SLC35E4: variants seen among roughly 807,000 people sequenced by gnomAD.
SLC35E4 encodes solute carrier family 35, member E4.
SLC35E4 carries 15 observed loss-of-function variants against 19.3 expected under a neutral mutation model. The observed-to-expected ratio is 0.78, with a 90% CI of 0.52 to 1.20. The LOEUF (loss-of-function observed/expected upper bound fraction) is 1.20. Among genes scored for constraint, SLC35E4 ranks in the 50% most tolerant of loss-of-function variants. The pLI is 0.00. For missense variants in SLC35E4, 406 were observed against 472.3 expected, an observed-to-expected ratio of 0.86 and a Z score of 1.30; for synonymous variants, 219 against 219.9, an observed-to-expected ratio of 1.00 and a Z score of 0.04.
downstream of SLC35E4, among the ~76,000 whole-genome samples, chr22:30,651,427 ATT>A (rs1160256288): frequency 2.7e-4 from 6 of 22,156 alleles, no homozygotes; most frequent in African/African-American, 6.4e-4. Context: ...ATATATATAT[ATT>A]TTTTTTTTTT....
At chr22:30,663,990 G>C (rs779902558), downstream of SLC35E4, 1 of 1,612,906 alleles carries the variant, frequency 6.2e-7, no homozygotes, top group Non-Finnish European at 8.5e-7. Context: ...GAAGGCACAC[G>C]AGGGTGCTGT....
At chr22:30,654,711 G>A (rs548658201) in intron 2 of SLC35E4, 9 of 374,124 alleles carry the variant, frequency 2.4e-5, no homozygotes, top group East Asian at 1.5e-4. Flanking sequence ...TGATGCCCCC[G>A]CAGTGTACGA....
At chr22:30,655,077 T>C (rs2088307633) in intron 2 of SLC35E4, among the ~76,000 whole-genome samples, 1 of 152,164 alleles carries the variant, frequency 6.6e-6, no homozygotes, top group Admixed American at 6.5e-5. Flanking sequence ...CTCTGCTCCC[T>C]ACACTGCTAT....
At chr22:30,667,608 CTCG>C (rs2088725400), downstream of SLC35E4, 1 of 152,658 alleles carries the variant, frequency 6.6e-6, no homozygotes, top group Admixed American at 6.5e-5. Context: ...TAGCAATGGG[CTCG>C]TCGCAGAAAG....
chr22:30,649,202 TG>T (rs1307297841), downstream of SLC35E4: 1 of 716,818 alleles, frequency 1.4e-6, no homozygotes, highest in African/African-American at 1.7e-5. Context: ...ATGATCCCTA[TG>T]GAGAGGGTTC....
rs1337493404 is a variant in SLC35E4 at position 30,636,761 on chromosome 22, G to A, written c.311G>A (p.Gly104Asp). ...CHRGARRPMP[G>D]GTRCRVLLLS... The stretch of plus-strand genomic sequence containing the variant: ...CGGGGGGCACGGCGCCCCATGCCAG[G>A]CGGCACTCGCTGCCGAGTCCTACTG... The change falls in exon 1 of 2, where the codon GGC becomes GAC. Residue 104 changes from glycine (G) to aspartate (D), a missense_variant. Transcript: ENST00000343605. 3.7e-6 allele frequency: 6 copies of A among 1,612,072 alleles called. No individual in the cohort carries two copies. The highest frequency in any genetic ancestry group is 5.1e-6 in the Non-Finnish European group (6 of 1,179,474).
At chr22:30,641,731 T>TAA (rs2088043408) in intron 1 of SLC35E4, among the ~76,000 whole-genome samples, 2 of 147,976 alleles carry the variant, frequency 1.4e-5, no homozygotes, top group African/African-American at 4.9e-5. Context: ...TTTTTTTTTT[T>TAA]TTTTTTTTTT....
intron 2 of SLC35E4, chr22:30,661,403 A>T (rs2088461675): frequency 6.6e-6 from 1 of 151,330 alleles, no homozygotes; most frequent in East Asian, 1.9e-4. Flanking sequence ...ATAATCCAAA[A>T]TATTTCTGGT....
exon 3 of SLC35E4, chr22:30,662,407 G>A (rs9609038): frequency 6.6e-6 from 1 of 152,206 alleles, no homozygotes; most frequent in Non-Finnish European, 1.5e-5. Flanking sequence ...GCTGAGACCT[G>A]ATGTTAGGCC....
downstream of SLC35E4, chr22:30,664,029 G>A: frequency 6.3e-7 from 1 of 1,594,888 alleles, no homozygotes; most frequent in Non-Finnish European, 8.6e-7. Flanking sequence ...GTGGTCAGCA[G>A]TCAGCGAAGC....
chr22:30,649,120 T>G (rs1298740194), downstream of SLC35E4: 1 of 714,384 alleles, frequency 1.4e-6, no homozygotes, highest in Non-Finnish European at 2.6e-6. Context: ...TGGAACCTAA[T>G]CCTGCTCTGC....
At chr22:30,657,141 G>C (rs189997231) in intron 2 of SLC35E4, among the ~76,000 whole-genome samples, 1 of 151,976 alleles carries the variant, frequency 6.6e-6, no homozygotes, top group Non-Finnish European at 1.5e-5. Context: ...AAGCATGTAA[G>C]ATAAATTTCT....
At chr22:30,645,699 G>A (rs2088117808) in intron 1 of SLC35E4, among the ~76,000 whole-genome samples, 1 of 151,454 alleles carries the variant, frequency 6.6e-6, no homozygotes, top group African/African-American at 2.4e-5. Flanking sequence ...TCTGGTCATT[G>A]AGGTGGAGTG....
chr22:30,637,013 G>T lies in SLC35E4; in HGVS notation c.563G>T (p.Gly188Val). The T allele has an allele frequency of 1.9e-6, 3 of 1,598,944 alleles. No homozygotes were observed. Among genetic ancestry groups the T allele is most frequent in the Non-Finnish European group, 2.6e-6 (3 of 1,169,980 alleles). The change falls in exon 1 of 2, where the codon GGC becomes GTC. Residue 188 changes from glycine to valine, a missense_variant. By Grantham distance (109) the Gly-to-Val change is moderately radical (BLOSUM62 -3). Coordinates refer to ENST00000343605, the MANE Select transcript of SLC35E4 (RefSeq NM_001001479.4). ...LAGEFRTPPT[G>V]CGFLLAATCL... ...GGAGAGTTCCGGACACCCCCTACCG[G>T]CTGTGGCTTCCTGCTCGCAGCCACC...
chr22:30,648,446 A>G (rs1378336149), downstream of SLC35E4, among the ~76,000 whole-genome samples: 3 of 151,788 alleles, frequency 2.0e-5, no homozygotes, highest in Non-Finnish European at 4.4e-5. Context: ...CAAACATGCA[A>G]CTCTTTTTAA....
downstream of SLC35E4, chr22:30,664,142 C>T: frequency 1.3e-6 from 1 of 746,192 alleles, no homozygotes; most frequent in Non-Finnish European, 2.2e-6. Flanking sequence ...CAGGGGATCC[C>T]TGGGAAATGG....
At chr22:30,654,332 T>C in intron 2 of SLC35E4, 3 of 463,380 alleles carry the variant, frequency 6.5e-6, no homozygotes, top group Non-Finnish European at 1.3e-5. Context: ...GCCTTCTCCT[T>C]CCTCTTCTCC....
intron 2 of SLC35E4, chr22:30,654,230 C>T (rs1044152754): frequency 5.5e-6 from 2 of 361,674 alleles, no homozygotes; most frequent in African/African-American, 2.1e-5. Flanking sequence ...CTGATCTGCC[C>T]GCCTCCGCCT....
In SLC35E4 at chr22:30,636,084, C is replaced by T. The variant is rs1034870432; in HGVS notation, c.-367C>T. The stretch of plus-strand genomic sequence containing the variant: ...TCTGGATCTGCGCGCACCCTAATGA[C>T]CTGGGGACTGAAGAGAAAAAAGGAA... On this transcript the variant is annotated 5_prime_UTR_variant, in exon 1 of 2. Transcript: ENST00000343605. 4.9e-6 allele frequency: 1 copy of T among 205,512 alleles called. No homozygotes were observed. Among genetic ancestry groups the T allele is most frequent in the South Asian group, 1.3e-4 (1 of 7,442 alleles). 12.7% of individuals were successfully genotyped at this position (205,512 alleles called of 1,614,324 possible). A position where few individuals can be genotyped will look rare whatever the true frequency, so the allele number is the denominator to read the frequency against.
Sources: gnomAD v4.1 joint callset for allele counts (sites outside exome capture counted in the v4.1 genomes callset) on GRCh38, gnomAD v4.1.1 for gene constraint, MANE v1.5 for transcripts, NCBI Gene and HGNC (gene_info 2026-07-23, HGNC 2026-07-21) for gene names.